LIPA: variants seen among roughly 807,000 people sequenced by gnomAD.
The protein encoded by LIPA is lysosomal acid lipase/cholesteryl ester hydrolase.
LIPA carries 26 observed loss-of-function variants against 40.6 expected under a neutral mutation model. That is an observed-to-expected ratio of 0.64 (90% CI 0.47 to 0.89). The LOEUF is 0.89. Among genes scored for constraint, LIPA ranks in the 40% least tolerant of loss-of-function variants. The pLI is 0.00. For synonymous variants in LIPA, 188 were observed against 168.4 expected (o/e 1.12, Z -0.90); for missense variants, 455 against 479.6 (o/e 0.95, Z 0.48).
chr10:89,392,746 A>G (rs763031820), intron 2 of LIPA: 1 of 1,612,266 alleles, frequency 6.2e-7, no homozygotes, highest in South Asian at 1.1e-5. Flanking sequence ...CTCTGCCATA[A>G]TGTCTAAAGT....
chr10:89,296,330 C>T (rs950658444), intron 1 of LIPA, among the ~76,000 whole-genome samples: 2 of 151,820 alleles, frequency 1.3e-5, no homozygotes, highest in African/African-American at 4.8e-5. Context: ...CCCATCTCTA[C>T]TAAAAATACA....
chr10:89,397,655 C>A (rs953477820), intron 2 of LIPA, among the ~76,000 whole-genome samples: 1 of 151,664 alleles, frequency 6.6e-6, no homozygotes, highest in African/African-American at 2.4e-5. Context: ...AGATTATAGG[C>A]ATGAGTCATT....
chr10:89,237,307 G>T (rs1340520844), intron 3 of LIPA, among the ~76,000 whole-genome samples: 2 of 152,106 alleles, frequency 1.3e-5, no homozygotes, highest in African/African-American at 4.8e-5. Flanking sequence ...TTAATTTTAA[G>T]AATTAAAAAT....
At chr10:89,321,763 T>G (rs57947325) in intron 1 of LIPA, among the ~76,000 whole-genome samples, 1 of 152,130 alleles carries the variant, frequency 6.6e-6, no homozygotes, top group Non-Finnish European at 1.5e-5. Flanking sequence ...TAAAGACACA[T>G]GTACACGTAT....
chr10:89,392,971 G>C (rs1428289552), intron 2 of LIPA: 2 of 666,374 alleles, frequency 3.0e-6, no homozygotes, highest in East Asian at 6.4e-5. Flanking sequence ...AAGAAGGGGA[G>C]GGAAATGGGA....
intron 1 of LIPA, among the ~76,000 whole-genome samples, chr10:89,301,618 GA>G (rs1478519842): frequency 6.6e-6 from 1 of 152,254 alleles, no homozygotes; most frequent in African/African-American, 2.4e-5. Flanking sequence ...AATCTGAGAT[GA>G]AGGACTACAT....
chr10:89,269,240 G>T (rs897101975), intron 1 of LIPA, among the ~76,000 whole-genome samples: 1 of 151,980 alleles, frequency 6.6e-6, no homozygotes, highest in Non-Finnish European at 1.5e-5. Context: ...TGAGGCAGGA[G>T]AATCACTTGA....
At chr10:89,407,766 C>T (rs1347357229) in intron 2 of LIPA, among the ~76,000 whole-genome samples, 2 of 152,064 alleles carry the variant, frequency 1.3e-5, no homozygotes, top group African/African-American at 2.4e-5. Context: ...CGGTAAGGGC[C>T]GCTAAGTCCG....
At chr10:89,333,924 C>A (rs747144438) in intron 1 of LIPA, among the ~76,000 whole-genome samples, 3 of 152,186 alleles carry the variant, frequency 2.0e-5, no homozygotes, top group Admixed American at 6.5e-5. Flanking sequence ...TTGAGAAGTC[C>A]GGCTCTGGAG....
chr10:89,409,211 T>G (rs113088064), intron 2 of LIPA, among the ~76,000 whole-genome samples: 10,549 of 151,746 alleles, frequency 0.07, 896 homozygotes, highest in African/African-American at 0.2. Flanking sequence ...TGAACAAAAT[T>G]TGGAGGCATT....
chr10:89,305,758 T>G (rs1057229665), intron 1 of LIPA, among the ~76,000 whole-genome samples: 1 of 152,146 alleles, frequency 6.6e-6, no homozygotes, highest in African/African-American at 2.4e-5. Context: ...GCCCTAATTC[T>G]TCTGCTGCCC....
chr10:89,340,351 G>C (rs1022249112), intron 1 of LIPA: 2 of 402,364 alleles, frequency 5.0e-6, no homozygotes, highest in South Asian at 9.0e-5. Context: ...GAGGTCTGGA[G>C]TTTGAGACCA....
chr10:89,235,941 A>G (rs1477986953), intron 3 of LIPA, among the ~76,000 whole-genome samples: 1 of 152,232 alleles, frequency 6.6e-6, no homozygotes, highest in East Asian at 1.9e-4. Flanking sequence ...TAAACAACAC[A>G]GGTTTGAACT....
At chr10:89,349,416 A>T (rs910235534) in intron 2 of LIPA, among the ~76,000 whole-genome samples, 32 of 152,194 alleles carry the variant, frequency 2.1e-4, no homozygotes, top group Non-Finnish European at 2.9e-5. Flanking sequence ...CCATGCACGT[A>T]ATAAGTTTGT....
chr10:89,385,970 A>G (rs1243218833), intron 2 of LIPA, among the ~76,000 whole-genome samples: 1 of 152,238 alleles, frequency 6.6e-6, no homozygotes, highest in Non-Finnish European at 1.5e-5. Flanking sequence ...CTTACACAGC[A>G]TTAGAAGGCC....
chr10:89,391,871 A>AATG (rs1324358044), intron 2 of LIPA, among the ~76,000 whole-genome samples: 1 of 152,190 alleles, frequency 6.6e-6, no homozygotes, highest in Non-Finnish European at 1.5e-5. Flanking sequence ...TAATAATAAT[A>AATG]ATAGTTACCA....
chr10:89,409,970 A>T (rs1422847731), intron 2 of LIPA, among the ~76,000 whole-genome samples: 1 of 152,226 alleles, frequency 6.6e-6, no homozygotes. Flanking sequence ...AACAAACTCA[A>T]GCTCTAGCCT....
intron 8 of LIPA, among the ~76,000 whole-genome samples, chr10:89,222,160 A>C (rs903140696): frequency 6.6e-6 from 1 of 152,128 alleles, no homozygotes; most frequent in Non-Finnish European, 1.5e-5. Context: ...AATAAAAAAA[A>C]TCTAGGACTC....
intron 3 of LIPA, among the ~76,000 whole-genome samples, chr10:89,242,834 G>A (rs866553731): frequency 1.8e-4 from 27 of 152,108 alleles, no homozygotes; most frequent in Middle Eastern, 3.4e-3. Context: ...GTTAGTATAC[G>A]AGGAGCCTTG....
Sources: gnomAD v4.1 joint callset for allele counts (sites outside exome capture counted in the v4.1 genomes callset) on GRCh38, gnomAD v4.1.1 for gene constraint, MANE v1.5 for transcripts, NCBI Gene and HGNC (gene_info 2026-07-23, HGNC 2026-07-21) for gene names.